Variants in C2orf49 observed in about 807,000 individuals in gnomAD.
C2orf49 encodes the protein tRNA-splicing ligase complex subunit ASW.
C2orf49 carries 11 observed loss-of-function variants against 20.6 expected under a neutral mutation model. That is an observed-to-expected ratio of 0.53 (90% confidence interval 0.34 to 0.88). The LOEUF (loss-of-function observed/expected upper bound fraction) is 0.88. C2orf49 is among the 40% of genes least tolerant of loss of function. The probability of loss-of-function intolerance (pLI) is 0.02; values close to 1 mark genes in which losing one functional copy is unlikely to be tolerated. For synonymous variants in C2orf49, 134 were observed against 108.5 expected, an observed-to-expected ratio of 1.24 and a Z score of -1.46; for missense variants, 289 against 274.2, an observed-to-expected ratio of 1.05 and a Z score of -0.38.
the C2orf49 span, among the ~76,000 whole-genome samples, chr2:105,381,259 C>A: frequency 6.6e-6 from 1 of 152,138 alleles, no homozygotes. Flanking sequence ...ACTGTACATT[C>A]TTTCAAATCC....
At chr2:105,379,860 T>C in the C2orf49 span, among the ~76,000 whole-genome samples, 4 of 152,358 alleles carry the variant, frequency 2.6e-5, no homozygotes, top group African/African-American at 9.6e-5. Context: ...GCCAGGGCAA[T>C]GCTGGCTTCA....
the C2orf49 span, chr2:105,367,786 G>A: frequency 6.4e-7 from 1 of 1,565,106 alleles, no homozygotes; most frequent in Non-Finnish European, 8.7e-7. Flanking sequence ...GGTTAGAGGG[G>A]TGTGGAGTCC....
rs1402172898 is a variant in C2orf49 at position 105,345,476 on chromosome 2, T to G, written c.*105T>G. 2.2e-6 allele frequency: 2 copies of G among 928,890 alleles called. No individual in the cohort carries two copies. The highest frequency in any genetic ancestry group is 5.3e-5 in the East Asian group (2 of 37,686). The allele number at this position is 928,890 out of a possible 1,614,324, so 57.5% of individuals were successfully genotyped here. ...AATCCTGATTATTGTGGAATTTTCTTAAGAGGTTTCAAATAGGTTTAAAAA... is the reference window on the plus strand; with the variant it reads ...AATCCTGATTATTGTGGAATTTTCTGAAGAGGTTTCAAATAGGTTTAAAAA... On this transcript the variant is annotated 3_prime_UTR_variant, in exon 4 of 4. Transcript: ENST00000258457.
At chr2:105,351,517 ATTTT>A (rs1292629217), downstream of C2orf49, among the ~76,000 whole-genome samples, 114 of 152,178 alleles carry the variant, frequency 7.5e-4, 2 homozygotes, top group East Asian at 0.017. Flanking sequence ...ATGGATACTT[ATTTT>A]ATATTTTGGG....
chr2:105,352,283 C>T (rs766736926), downstream of C2orf49, among the ~76,000 whole-genome samples: 1 of 151,986 alleles, frequency 6.6e-6, no homozygotes, highest in Non-Finnish European at 1.5e-5. Context: ...ATAGACTTTT[C>T]TCTATTAACA....
At chr2:105,352,279 T>C (rs929781277), downstream of C2orf49, among the ~76,000 whole-genome samples, 2 of 152,202 alleles carry the variant, frequency 1.3e-5, no homozygotes, top group South Asian at 4.1e-4. Flanking sequence ...TCAAATAGAC[T>C]TTTCTCTATT....
the C2orf49 span, chr2:105,378,151 C>T: frequency 2.1e-6 from 1 of 471,190 alleles, no homozygotes; most frequent in Non-Finnish European, 4.4e-6. Context: ...CTAAGACATG[C>T]ACATGGGTCC....
intron 1 of C2orf49, 59 bp from the exon 2 acceptor site, chr2:105,339,524 G>T: frequency 6.7e-7 from 1 of 1,482,870 alleles, no homozygotes; most frequent in Non-Finnish European, 9.2e-7. Flanking sequence ...TAGGTAAGGT[G>T]GTTACTTGTT....
chr2:105,343,820 A>G (rs985865010), intron 3 of C2orf49, among the ~76,000 whole-genome samples: 4 of 152,046 alleles, frequency 2.6e-5, no homozygotes, highest in African/African-American at 9.7e-5. Flanking sequence ...AACACAATGT[A>G]TTAGAGTTTA....
At chr2:105,367,745 A>G in the C2orf49 span, 5 of 1,612,712 alleles carry the variant, frequency 3.1e-6, no homozygotes, top group Non-Finnish European at 4.2e-6. Flanking sequence ...GGTACCTGTC[A>G]TCAGGGTCAA....
chr2:105,352,438 T>G (rs1679958386), downstream of C2orf49, among the ~76,000 whole-genome samples: 1 of 124,234 alleles, frequency 8.0e-6, no homozygotes, highest in Non-Finnish European at 1.8e-5. Context: ...GGTTTTTTTT[T>G]TTTTTTTTTT....
chr2:105,364,022 C>T, the C2orf49 span, among the ~76,000 whole-genome samples: 1 of 152,186 alleles, frequency 6.6e-6, no homozygotes, highest in Admixed American at 6.5e-5. Context: ...TTTGGGAGGC[C>T]GAGGCAGGTG....
chr2:105,361,424 G>T, the C2orf49 span: 9 of 1,613,800 alleles, frequency 5.6e-6, no homozygotes, highest in Non-Finnish European at 7.6e-6. Context: ...TGTATTTTGT[G>T]CCACCAAGTC....
chr2:105,379,485 A>G, the C2orf49 span, among the ~76,000 whole-genome samples: 1 of 152,176 alleles, frequency 6.6e-6, no homozygotes, highest in Non-Finnish European at 1.5e-5. Context: ...TTAATTCTTC[A>G]TACCTATTTT....
At chr2:105,381,431 A>G in the C2orf49 span, among the ~76,000 whole-genome samples, 1 of 152,158 alleles carries the variant, frequency 6.6e-6, no homozygotes, top group Non-Finnish European at 1.5e-5. Context: ...TATAGGTGGC[A>G]GGACTTGTCC....
chr2:105,383,737 A>G, the C2orf49 span, among the ~76,000 whole-genome samples: 1 of 152,192 alleles, frequency 6.6e-6, no homozygotes, highest in Non-Finnish European at 1.5e-5. Context: ...AGAAAAAAAC[A>G]GGAACATTTT....
the C2orf49 span, among the ~76,000 whole-genome samples, chr2:105,382,631 C>T: frequency 3.9e-5 from 6 of 152,198 alleles, no homozygotes; most frequent in Non-Finnish European, 5.9e-5. Flanking sequence ...TCAAAGACTA[C>T]CACTAGAAAC....
At chr2:105,368,571 A>G in the C2orf49 span, among the ~76,000 whole-genome samples, 2 of 152,284 alleles carry the variant, frequency 1.3e-5, no homozygotes, top group South Asian at 2.1e-4. Context: ...TTGAATAACT[A>G]TTAGCATTTG....
At position 105,342,905 on chromosome 2, in the gene C2orf49, A is replaced by C. The variant is rs1449876232; in HGVS notation, c.324A>C (p.Ser108=). The change falls in exon 3 of 4, where the codon TCA becomes TCC. Residue 108 remains serine (S), a synonymous_variant. Coordinates refer to ENST00000258457, the MANE Select transcript of C2orf49 (RefSeq NM_024093.3). ...KRPLIVFDGS[S]TSTSIKVKKT... ...CCCTCATCGTATTTGATGGAAGTTC[A>C]ACAAGTACAAGCATAAAAGTGAAAA... 1 of 1,614,134 alleles carries C rather than the reference A, an allele frequency of 6.2e-7. No individual in the cohort carries two copies. Among genetic ancestry groups the C allele is most frequent in the Non-Finnish European group, 8.5e-7 (1 of 1,180,054 alleles).
Sources: gnomAD v4.1 joint callset for allele counts (sites outside exome capture counted in the v4.1 genomes callset) on GRCh38, gnomAD v4.1.1 for gene constraint, MANE v1.5 for transcripts, NCBI Gene and HGNC (gene_info 2026-07-23, HGNC 2026-07-21) for gene names.